The following PLD5 variants were observed in gnomAD, a reference collection of about 807,000 sequenced individuals.
PLD5 encodes phospholipase D family member 5.
PLD5 carries 36 observed loss-of-function variants against 61.1 expected under a neutral mutation model. That is an observed-to-expected ratio of 0.59 (90% confidence interval 0.45 to 0.78). The LOEUF is 0.78. Ranked by LOEUF, PLD5 falls within the 30% of genes least tolerant of loss-of-function variation. The pLI is 0.00. For missense variants in PLD5, 515 were observed against 644.4 expected, an observed-to-expected ratio of 0.80 and a Z score of 2.17; for synonymous variants, 243 against 242.8, an observed-to-expected ratio of 1.00 and a Z score of -0.01.
intron 5 of PLD5, among the ~76,000 whole-genome samples, chr1:242,140,601 C>T (rs1664089604): frequency 1.3e-5 from 2 of 152,180 alleles, no homozygotes; most frequent in Admixed American, 6.5e-5. Flanking sequence ...CACACCACCG[C>T]ACTCCAGCTT....
chr1:242,157,985 C>G (rs1205901053), intron 5 of PLD5, among the ~76,000 whole-genome samples: 1 of 150,420 alleles, frequency 6.6e-6, no homozygotes, highest in Non-Finnish European at 1.5e-5. Context: ...GGACTGTTGC[C>G]TTTTTTTCAG....
chr1:242,143,224 T>C (rs1224712379), intron 5 of PLD5, among the ~76,000 whole-genome samples: 1 of 151,768 alleles, frequency 6.6e-6, no homozygotes, highest in African/African-American at 2.4e-5. Flanking sequence ...TTTCTTTTTT[T>C]GTATTTTTAG....
chr1:242,136,022 G>A (rs921175388), intron 5 of PLD5, among the ~76,000 whole-genome samples: 8 of 152,166 alleles, frequency 5.3e-5, no homozygotes, highest in African/African-American at 1.9e-4. Flanking sequence ...GGGCGAGGGA[G>A]GAAAGAGCAG....
intron 6 of PLD5, among the ~76,000 whole-genome samples, chr1:242,120,596 TA>T (rs1267871517): frequency 2.0e-5 from 3 of 152,226 alleles, no homozygotes; most frequent in Admixed American, 6.5e-5. Context: ...AAGTTCTATT[TA>T]ATGTCAGCCC....
At chr1:242,325,201 C>T (rs1658671335) in intron 2 of PLD5, among the ~76,000 whole-genome samples, 1 of 151,922 alleles carries the variant, frequency 6.6e-6, no homozygotes, top group Non-Finnish European at 1.5e-5. Context: ...CTATGTCATC[C>T]ATAAAAGTAA....
chr1:242,422,171 A>AAT (rs199571009), intron 1 of PLD5, among the ~76,000 whole-genome samples: 4,506 of 151,784 alleles, frequency 0.03, 176 homozygotes, highest in African/African-American at 0.088. Context: ...AAAAGCAGTA[A>AAT]ATATATATAT....
At chr1:242,377,399 C>G in intron 1 of PLD5, 1 of 1,244,676 alleles carries the variant, frequency 8.0e-7, no homozygotes, top group Non-Finnish European at 1.2e-6. Flanking sequence ...CTTCTAACTT[C>G]CGCTTGGGAC....
chr1:242,529,799 C>T, the PLD5 span, among the ~76,000 whole-genome samples: 1 of 144,962 alleles, frequency 6.9e-6, no homozygotes, highest in Non-Finnish European at 1.5e-5. Context: ...TCCTTCCTTC[C>T]TTCCTTCCTT....
intron 5 of PLD5, among the ~76,000 whole-genome samples, chr1:242,166,125 C>T (rs192902363): frequency 6.6e-6 from 1 of 152,228 alleles, no homozygotes; most frequent in East Asian, 1.9e-4. Context: ...CTGGGTTTTC[C>T]CTGGGACACT....
intron 1 of PLD5, among the ~76,000 whole-genome samples, chr1:242,437,591 G>A (rs562484453): frequency 6.6e-6 from 1 of 152,194 alleles, no homozygotes; most frequent in African/African-American, 2.4e-5. Context: ...CAGCTACTAG[G>A]GTGGCTGAGG....
chr1:242,267,177 TGGAAAGGGAAAAGGAAAA>T (rs1044631903), intron 3 of PLD5, among the ~76,000 whole-genome samples: 3 of 109,096 alleles, frequency 2.7e-5, no homozygotes, highest in African/African-American at 1.1e-4. Flanking sequence ...GGAAAGGAAA[TGGAAAGGGAAAAGGAAAA>T]GGAAAGGGAA....
chr1:242,201,131 C>T (rs192049104), intron 5 of PLD5, among the ~76,000 whole-genome samples: 20 of 152,212 alleles, frequency 1.3e-4, no homozygotes, highest in African/African-American at 4.8e-4. Context: ...CATGTTAAAA[C>T]GGGGCAAGCA....
chr1:242,219,927 T>C (rs1670456501), intron 5 of PLD5, 61 bp downstream of exon 5: 5 of 1,576,592 alleles, frequency 3.2e-6, no homozygotes, highest in Non-Finnish European at 4.3e-6. Context: ...TAGCGTGCTT[T>C]ATGAAGGTGG....
chr1:242,444,341 T>C (rs1666407841), intron 1 of PLD5, among the ~76,000 whole-genome samples: 1 of 152,110 alleles, frequency 6.6e-6, no homozygotes, highest in African/African-American at 2.4e-5. Flanking sequence ...TCTATGTGCT[T>C]TAGTTTTCAA....
rs1261290858 is a variant in PLD5 at position 242,083,456 on chromosome 1, G to C, written c.*6398C>G. On this transcript the variant is annotated 3_prime_UTR_variant, in exon 10 of 10. Transcript: ENST00000536534. ...GTTTTGCTCCTGCAGGAGCTGTGGA[G>C]GTAGGGTCTCTCCAAGACACCAGGA... 3.3e-5 allele frequency: 5 copies of C among 152,148 alleles called. No individual in the cohort carries two copies. Among genetic ancestry groups the C allele is most frequent in the Non-Finnish European group, 7.3e-5 (5 of 68,034 alleles). The allele number at this position is 152,148 out of a possible 1,614,324, so 9.4% of individuals were successfully genotyped here.
In PLD5 at chr1:242,521,982, A is replaced by G. The variant is rs1014823402; in HGVS notation, c.189+2106T>C. 1.7e-4 allele frequency among the ~76,000 whole-genome samples: 26 copies of G among 152,154 alleles called. 1 individual carries two copies. Among genetic ancestry groups the G allele is most frequent in the Admixed American group, 1.6e-3 (25 of 15,280 alleles). On this transcript the variant is annotated intron_variant, in intron 1 of 9. Coordinates refer to ENST00000536534, the MANE Select transcript of PLD5 (RefSeq NM_001372062.1). The stretch of plus-strand genomic sequence containing the variant: ...GCTCTTGAATTCAAAAAAAATTTAT[A>G]TTGTATACTAATTTAATTTTTCATA...
At chr1:242,298,902 G>A (rs12132796) in intron 2 of PLD5, among the ~76,000 whole-genome samples, 9,885 of 152,072 alleles carry the variant, frequency 0.065, 326 homozygotes, top group Middle Eastern at 0.12. Flanking sequence ...ACGGTGGAAC[G>A]TAATGCACCT....
intron 1 of PLD5, among the ~76,000 whole-genome samples, chr1:242,419,427 G>A (rs376495319): frequency 1.9e-4 from 27 of 140,666 alleles, no homozygotes; most frequent in Admixed American, 1.5e-3. Context: ...ACAGAGTCTC[G>A]CACTGTTGCC....
chr1:242,370,590 C>T (rs950431594), intron 1 of PLD5, among the ~76,000 whole-genome samples: 1 of 152,106 alleles, frequency 6.6e-6, no homozygotes, highest in Non-Finnish European at 1.5e-5. Flanking sequence ...TGTCTCCCAC[C>T]CTTCCTTCCA....
Sources: gnomAD v4.1 joint callset for allele counts (sites outside exome capture counted in the v4.1 genomes callset) on GRCh38, gnomAD v4.1.1 for gene constraint, MANE v1.5 for transcripts, NCBI Gene and HGNC (gene_info 2026-07-23, HGNC 2026-07-21) for gene names.